NCAM2: variants seen among roughly 807,000 people sequenced by gnomAD.
The protein encoded by NCAM2 is neural cell adhesion molecule 2, also known as N-CAM-2.
In NCAM2, 30 loss-of-function variants were observed where a neutral mutation model predicts 98.1. That is an observed-to-expected ratio of 0.31 (90% CI 0.23 to 0.41). The LOEUF is 0.41. NCAM2 is among the 10% of genes least tolerant of loss of function. The pLI, the probability that NCAM2 is intolerant of heterozygous loss-of-function variation, is 1.00. For synonymous variants in NCAM2, 368 were observed against 342.4 expected (o/e 1.07, Z -0.83); for missense variants, 867 against 1,005.8 (o/e 0.86, Z 1.87).
At chr21:21,104,482 C>T (rs1297550062) in intron 1 of NCAM2, among the ~76,000 whole-genome samples, 1 of 152,090 alleles carries the variant, frequency 6.6e-6, no homozygotes, top group Non-Finnish European at 1.5e-5. Context: ...TTGTTTCATG[C>T]ACGACAGTGA....
intron 15 of NCAM2, among the ~76,000 whole-genome samples, chr21:21,495,513 C>T (rs562561815): frequency 5.3e-5 from 8 of 152,152 alleles, no homozygotes; most frequent in East Asian, 1.9e-4. Context: ...TGACTCCCTA[C>T]CATCTTTTGG....
intron 1 of NCAM2, among the ~76,000 whole-genome samples, chr21:21,007,098 C>G (rs1568920168): frequency 1.3e-5 from 2 of 152,050 alleles, no homozygotes; most frequent in Admixed American, 1.3e-4. Context: ...TTCAGGGATG[C>G]AAATATGGTG....
Position 21,284,199 on chromosome 21 carries a change from G to A in NCAM2, c.136G>A (p.Gly46Ser). ...ESKFFTCTAI[G>S]EPESIDWYNP... ...TTTTCCATGGCTCTTTGCAGCGATTGGTGAACCTGAAAGTATAGATTGGTA... is the reference window on the plus strand; with the variant it reads ...TTTTCCATGGCTCTTTGCAGCGATTAGTGAACCTGAAAGTATAGATTGGTA... The change falls in exon 3 of 18, where the codon GGT (glycine) becomes AGT (serine). Residue 46 changes from glycine to serine, a missense_variant. Coordinates refer to ENST00000400546, the MANE Select transcript of NCAM2 (RefSeq NM_004540.5). The A allele has an allele frequency of 1.2e-6, 2 of 1,609,638 alleles. No homozygotes were observed. The highest frequency in any genetic ancestry group is 1.7e-6 in the Non-Finnish European group (2 of 1,176,428).
At chr21:21,437,803 A>C (rs572397582) in intron 12 of NCAM2, among the ~76,000 whole-genome samples, 1 of 152,138 alleles carries the variant, frequency 6.6e-6, no homozygotes, top group South Asian at 2.1e-4. Flanking sequence ...ATTTGAAAAG[A>C]TTTTCGAAAA....
chr21:21,419,347 G>GTT (rs1158605107), intron 11 of NCAM2, among the ~76,000 whole-genome samples: 2 of 122,742 alleles, frequency 1.6e-5, no homozygotes, highest in African/African-American at 6.1e-5. Context: ...AACGGTCATG[G>GTT]TTTTTTTTTT....
intron 1 of NCAM2, among the ~76,000 whole-genome samples, chr21:21,085,534 T>A (rs553041116): frequency 2.2e-4 from 33 of 152,294 alleles, no homozygotes; most frequent in Admixed American, 2.0e-3. Flanking sequence ...CAAAGGCTGC[T>A]GTTCAATCTC....
chr21:21,106,407 A>G (rs17580780), intron 1 of NCAM2, among the ~76,000 whole-genome samples: 5,312 of 150,832 alleles, frequency 0.035, 114 homozygotes, highest in Non-Finnish European at 0.042. Flanking sequence ...CTTTATTTAG[A>G]GATTCTTTGT....
chr21:21,288,614 CTT>C (rs1260304803), intron 4 of NCAM2, among the ~76,000 whole-genome samples: 1 of 151,456 alleles, frequency 6.6e-6, no homozygotes, highest in Non-Finnish European at 1.5e-5. Context: ...AGTGTAGAAA[CTT>C]ATCACATAAA....
intron 1 of NCAM2, among the ~76,000 whole-genome samples, chr21:21,170,176 A>G (rs2068077776): frequency 2.0e-5 from 3 of 152,214 alleles, no homozygotes; most frequent in Non-Finnish European, 2.9e-5. Context: ...TAGTACAGCC[A>G]CTTTGGAAAA....
intron 1 of NCAM2, among the ~76,000 whole-genome samples, chr21:21,095,135 G>A (rs1452657334): frequency 6.6e-6 from 1 of 151,618 alleles, no homozygotes; most frequent in African/African-American, 2.4e-5. Flanking sequence ...AGTAAATTAT[G>A]TATCAGTTCT....
intron 1 of NCAM2, among the ~76,000 whole-genome samples, chr21:21,026,054 GAAAT>G (rs901673891): frequency 1.3e-5 from 2 of 152,172 alleles, no homozygotes; most frequent in African/African-American, 4.8e-5. Context: ...CTCAAGGCGA[GAAAT>G]AAGTTTGATG....
chr21:21,255,181 G>C (rs2071622881), intron 1 of NCAM2, among the ~76,000 whole-genome samples: 1 of 152,106 alleles, frequency 6.6e-6, no homozygotes, highest in South Asian at 2.1e-4. Flanking sequence ...TTGTAGGACT[G>C]TCTGTGGTCT....
intron 3 of NCAM2, 61 bp downstream of exon 3, chr21:21,284,461 A>G: frequency 7.8e-7 from 1 of 1,274,768 alleles, no homozygotes; most frequent in East Asian, 2.5e-5. Context: ...AATAACCGAA[A>G]AAATAAAATG....
At chr21:21,509,410 G>T (rs1179322664) in intron 16 of NCAM2, among the ~76,000 whole-genome samples, 3 of 152,008 alleles carry the variant, frequency 2.0e-5, no homozygotes, top group Non-Finnish European at 2.9e-5. Flanking sequence ...TAAAAGAAAG[G>T]CTTCAACAAT....
At chr21:21,447,681 C>A (rs1356583996) in intron 12 of NCAM2, among the ~76,000 whole-genome samples, 1 of 152,026 alleles carries the variant, frequency 6.6e-6, no homozygotes, top group Non-Finnish European at 1.5e-5. Context: ...TTACAAGGAA[C>A]TTAAACAAAT....
At position 21,503,818 on chromosome 21, in the gene NCAM2, T is replaced by C. The variant is rs574666530; in HGVS notation, c.2078-5033T>C. ...GAGGGAAACTGATTCTCACAGTTGC[T>C]TTTAATAGTAAAATATAAACCAAAT... On this transcript the variant is annotated intron_variant, in intron 15 of 17. Transcript: ENST00000400546. 2.0e-5 allele frequency among the ~76,000 whole-genome samples: 3 copies of C among 152,072 alleles called. No homozygotes were observed. In the South Asian group the frequency reaches 6.2e-4, roughly 32 times the overall value.
intron 12 of NCAM2, among the ~76,000 whole-genome samples, chr21:21,452,589 ATTGTG>A (rs71195330): frequency 0.41 from 47,748 of 117,482 alleles, 11,050 homozygotes; most frequent in Non-Finnish European, 0.51. Flanking sequence ...TATATATTGT[ATTGTG>A]CATATAATTG....
Position 21,461,433 on chromosome 21 carries a change from A to G in NCAM2, c.1655-5173A>G, listed in dbSNP as rs1277480596. Among the ~76,000 whole-genome samples, 5 of 151,884 alleles carry G rather than the reference A, an allele frequency of 3.3e-5. No individual in the cohort carries two copies. The East Asian group carries it at 9.6e-4, about 29-fold the overall frequency. On this transcript the variant is annotated intron_variant, in intron 12 of 17. Transcript: ENST00000400546. ...ATTTTGAGTATAACTTATACTCATG[A>G]TGGAAAGTTACATAAGCAGTACAAT...
intron 1 of NCAM2, among the ~76,000 whole-genome samples, chr21:21,205,517 C>T (rs1410692286): frequency 1.3e-5 from 2 of 151,946 alleles, no homozygotes; most frequent in Non-Finnish European, 2.9e-5. Context: ...ACTAGTGACA[C>T]ATTATAAAGC....
Sources: gnomAD v4.1 joint callset for allele counts (sites outside exome capture counted in the v4.1 genomes callset) on GRCh38, gnomAD v4.1.1 for gene constraint, MANE v1.5 for transcripts, NCBI Gene and HGNC (gene_info 2026-07-23, HGNC 2026-07-21) for gene names.